OXR1: variants seen among roughly 807,000 people sequenced by gnomAD.
OXR1 encodes oxidation resistance 1.
In OXR1, 41 loss-of-function variants were observed where a neutral mutation model predicts 104.6. The ratio of observed to expected loss-of-function variants is 0.39; its 90% confidence interval spans 0.31 to 0.51. OXR1 has a LOEUF of 0.51. Among genes scored for constraint, OXR1 ranks in the 20% least tolerant of loss-of-function variants. The pLI, the probability that OXR1 is intolerant of heterozygous loss-of-function variation, is 0.77. For missense variants in OXR1, 955 were observed against 1,031.9 expected (o/e 0.93, Z 1.02); for synonymous variants, 348 against 348.4 (o/e 1.00, Z 0.01).
intron 11 of OXR1, among the ~76,000 whole-genome samples, chr8:106,732,670 A>T (rs754522995): frequency 2.6e-5 from 4 of 152,118 alleles, no homozygotes; most frequent in Non-Finnish European, 5.9e-5. Context: ...TGTTGATGTA[A>T]TAGATTACAT....
intron 7 of OXR1, among the ~76,000 whole-genome samples, chr8:106,700,821 A>G (rs1326248795): frequency 6.6e-6 from 1 of 152,172 alleles, no homozygotes; most frequent in Non-Finnish European, 1.5e-5. Flanking sequence ...CAAAAGTGAA[A>G]TTTATGAAAT....
At chr8:106,591,231 G>C (rs1267004932) in intron 3 of OXR1, among the ~76,000 whole-genome samples, 3 of 133,436 alleles carry the variant, frequency 2.2e-5, no homozygotes, top group Non-Finnish European at 3.1e-5. Flanking sequence ...GGTGGGAATT[G>C]AACAATGAGA....
intron 3 of OXR1, among the ~76,000 whole-genome samples, chr8:106,567,969 G>A (rs1817203878): frequency 6.6e-6 from 1 of 152,084 alleles, no homozygotes; most frequent in African/African-American, 2.4e-5. Context: ...TTCCTCTTTA[G>A]TACTAGATGA....
chr8:106,532,716 T>C (rs1281597965), intron 3 of OXR1, among the ~76,000 whole-genome samples: 2 of 152,200 alleles, frequency 1.3e-5, no homozygotes, highest in Non-Finnish European at 1.5e-5. Flanking sequence ...TGCTGTGATT[T>C]CAGGCTTTAA....
intron 3 of OXR1, among the ~76,000 whole-genome samples, chr8:106,534,707 G>T (rs573516064): frequency 3.9e-5 from 6 of 152,258 alleles, no homozygotes; most frequent in African/African-American, 1.2e-4. Flanking sequence ...GGGAATAAAA[G>T]CACTTTCTTC....
chr8:106,586,644 T>G (rs1818652838), intron 3 of OXR1, among the ~76,000 whole-genome samples: 1 of 152,138 alleles, frequency 6.6e-6, no homozygotes, highest in South Asian at 2.1e-4. Flanking sequence ...GGAGAAAGCA[T>G]AGATAGATGA....
chr8:106,682,973 G>A (rs532465675), intron 4 of OXR1, among the ~76,000 whole-genome samples: 1 of 152,124 alleles, frequency 6.6e-6, no homozygotes, highest in South Asian at 2.1e-4. Flanking sequence ...TTGAAGTAGA[G>A]ACCTACATGT....
chr8:106,545,013 T>C (rs1196954488), intron 3 of OXR1, among the ~76,000 whole-genome samples: 1 of 152,196 alleles, frequency 6.6e-6, no homozygotes, highest in East Asian at 1.9e-4. Context: ...AACGTCATTT[T>C]GGGCCATAGA....
intron 2 of OXR1, among the ~76,000 whole-genome samples, chr8:106,376,492 A>G (rs1816911928): frequency 6.6e-6 from 1 of 152,246 alleles, no homozygotes; most frequent in African/African-American, 2.4e-5. Context: ...ATCTTGTTAC[A>G]AAATGAGAAA....
chr8:106,745,500 G>A (rs184576982), intron 15 of OXR1, among the ~76,000 whole-genome samples: 3 of 151,836 alleles, frequency 2.0e-5, no homozygotes, highest in Non-Finnish European at 2.9e-5. Context: ...TCTATTAACC[G>A]TCCAACTCTT....
At chr8:106,710,556 G>C (rs919885378) in intron 9 of OXR1, 66 bp from the exon 10 acceptor site, 2 of 1,085,214 alleles carry the variant, frequency 1.8e-6, no homozygotes, top group Admixed American at 5.9e-5. Flanking sequence ...TGAAGGTAAA[G>C]TTAACTAAAC....
chr8:106,718,838 C>A (rs76730040), intron 11 of OXR1, among the ~76,000 whole-genome samples: 311 of 132,128 alleles, frequency 2.4e-3, no homozygotes, highest in Middle Eastern at 4.0e-3. Flanking sequence ...GACTCCACCT[C>A]AAAAAAAAAA....
At chr8:106,410,397 G>A (rs1177946621) in intron 2 of OXR1, among the ~76,000 whole-genome samples, 1 of 152,086 alleles carries the variant, frequency 6.6e-6, no homozygotes, top group Non-Finnish European at 1.5e-5. Flanking sequence ...ATGTGAAGTG[G>A]TGTTAGACGT....
intron 3 of OXR1, among the ~76,000 whole-genome samples, chr8:106,590,461 T>A (rs1393613317): frequency 6.6e-6 from 1 of 152,224 alleles, no homozygotes; most frequent in Non-Finnish European, 1.5e-5. Context: ...CTCATTTTTG[T>A]ATTTTTAGTA....
intron 2 of OXR1, among the ~76,000 whole-genome samples, chr8:106,413,767 A>C (rs1436179744): frequency 1.3e-5 from 2 of 149,460 alleles, no homozygotes; most frequent in African/African-American, 5.0e-5. Context: ...TCTGTCACCC[A>C]GGCTGGAGTG....
intron 1 of OXR1, among the ~76,000 whole-genome samples, chr8:106,282,015 CA>C (rs1337256517): frequency 1.3e-5 from 2 of 152,016 alleles, no homozygotes; most frequent in African/African-American, 4.8e-5. Context: ...ACCCATTTAT[CA>C]ATATATATAC....
At chr8:106,569,832 C>G (rs936063090) in intron 3 of OXR1, among the ~76,000 whole-genome samples, 1 of 152,152 alleles carries the variant, frequency 6.6e-6, no homozygotes, top group African/African-American at 2.4e-5. Flanking sequence ...CCATAAAAAC[C>G]CTTGTGGAAC....
chr8:106,325,190 T>C (rs1390356264), intron 1 of OXR1, among the ~76,000 whole-genome samples: 1 of 152,242 alleles, frequency 6.6e-6, no homozygotes, highest in African/African-American at 2.4e-5. Flanking sequence ...ATGAATTGCT[T>C]GTCCTAATAT....
chr8:106,444,577 T>A (rs535582365), intron 2 of OXR1, among the ~76,000 whole-genome samples: 2 of 152,096 alleles, frequency 1.3e-5, no homozygotes, highest in South Asian at 4.2e-4. Context: ...CTCAGCAAAC[T>A]AACACAGGAA....
Sources: gnomAD v4.1 joint callset for allele counts (sites outside exome capture counted in the v4.1 genomes callset) on GRCh38, gnomAD v4.1.1 for gene constraint, MANE v1.5 for transcripts, NCBI Gene and HGNC (gene_info 2026-07-23, HGNC 2026-07-21) for gene names.